The following DMD variants were observed in gnomAD, a reference collection of about 807,000 sequenced individuals.
DMD encodes dystrophin, also known as mutant dystrophin.
DMD carries 63 observed loss-of-function variants against 330.1 expected under a neutral mutation model. The ratio of observed to expected loss-of-function variants is 0.19; its 90% CI spans 0.16 to 0.24. The LOEUF is 0.24. Ranked by LOEUF, DMD falls within the 10% of genes least tolerant of loss-of-function variation. The pLI is 1.00. For missense variants in DMD, 3,344 were observed against 2,684.1 expected (o/e 1.25, Z -5.43); for synonymous variants, 1,223 against 959.8 (o/e 1.27, Z -5.07).
In DMD at chrX:32,323,960, A is replaced by AT. The variant is rs199664329; in HGVS notation, c.5923-13685dup. Among the ~76,000 whole-genome samples, 545 of 110,220 alleles carry AT rather than the reference A, an allele frequency of 4.9e-3. 4 individuals are homozygous for AT. The highest frequency in any genetic ancestry group is 0.017 in the African/African-American group (507 of 30,432). The stretch of plus-strand genomic sequence containing the variant: ...AAGCACGTATTGGTAAGAATATGTG[A>AT]TTTTTTTTTATAGATACCAGAGGCT... On this transcript the variant is annotated intron_variant, in intron 41 of 78. Transcript: ENST00000357033.
At chrX:31,205,532 G>A (rs889240160) in intron 66 of DMD, among the ~76,000 whole-genome samples, 2 of 111,595 alleles carry the variant, frequency 1.8e-5, no homozygotes, top group Non-Finnish European at 3.8e-5. Context: ...CCATATATAC[G>A]GTAGATTAGA....
chrX:32,457,556 T>A (rs143026633), intron 25 of DMD, among the ~76,000 whole-genome samples: 2,852 of 110,761 alleles, frequency 0.026, 35 homozygotes, highest in Non-Finnish European at 0.041. Context: ...TCCAGGTACG[T>A]AAGTGGAAAA....
At chrX:32,723,883 A>AG (rs2066590566) in intron 7 of DMD, among the ~76,000 whole-genome samples, 1 of 110,708 alleles carries the variant, frequency 9.0e-6, no homozygotes, top group Non-Finnish European at 1.9e-5. Context: ...ACTAAAAAAA[A>AG]AAACCTGCAA....
intron 1 of DMD, among the ~76,000 whole-genome samples, chrX:33,208,698 A>G (rs189743470): frequency 1.7e-4 from 19 of 111,183 alleles, no homozygotes; most frequent in South Asian, 3.7e-4. Flanking sequence ...ATGTGCATAT[A>G]TATAAATATA....
chrX:31,454,957 T>C (rs778725633), intron 59 of DMD, among the ~76,000 whole-genome samples: 345 of 100,721 alleles, frequency 3.4e-3, no homozygotes, highest in Non-Finnish European at 6.1e-3. Flanking sequence ...TTTTCTTTTT[T>C]TTTTTTTTTT....
At chrX:32,509,883 T>C (rs2045099248) in intron 18 of DMD, among the ~76,000 whole-genome samples, 1 of 110,399 alleles carries the variant, frequency 9.1e-6, no homozygotes, top group African/African-American at 3.3e-5. Flanking sequence ...TCCACTCCCC[T>C]CTCTCTCTCA....
At chrX:32,471,839 A>G in intron 22 of DMD, among the ~76,000 whole-genome samples, 1 of 112,055 alleles carries the variant, frequency 8.9e-6, no homozygotes, top group Non-Finnish European at 1.9e-5. Flanking sequence ...AGTTACAAAT[A>G]AAGAAGCAAA....
At chrX:31,797,981 G>A (rs969614251) in intron 50 of DMD, among the ~76,000 whole-genome samples, 13 of 111,884 alleles carry the variant, frequency 1.2e-4, no homozygotes, top group African/African-American at 3.9e-4. Flanking sequence ...GAATTTTTCC[G>A]CTACTGCAAT....
chrX:31,873,091 T>C (rs762987975), intron 48 of DMD, among the ~76,000 whole-genome samples: 38 of 111,529 alleles, frequency 3.4e-4, no homozygotes, highest in African/African-American at 1.2e-3. Flanking sequence ...TGCAGGCTGT[T>C]GTTACCCATC....
intron 1 of DMD, among the ~76,000 whole-genome samples, chrX:33,180,626 T>C (rs1215578633): frequency 1.8e-5 from 2 of 111,333 alleles, no homozygotes; most frequent in Non-Finnish European, 3.8e-5. Flanking sequence ...GTTCCAGGAG[T>C]GGGTGTCTGA....
intron 60 of DMD, among the ~76,000 whole-genome samples, chrX:31,411,035 G>A (rs2061623079): frequency 9.2e-6 from 1 of 108,476 alleles, no homozygotes; most frequent in African/African-American, 3.4e-5. Context: ...CAAAGTGTTG[G>A]GATTACAGGC....
At chrX:31,950,490 T>A (rs760022675) in intron 45 of DMD, among the ~76,000 whole-genome samples, 1 of 110,962 alleles carries the variant, frequency 9.0e-6, no homozygotes, top group South Asian at 3.7e-4. Flanking sequence ...CCTATAAATG[T>A]TAGTTAGGTC....
At chrX:32,097,271 C>G (rs1163904735) in intron 44 of DMD, among the ~76,000 whole-genome samples, 1 of 110,499 alleles carries the variant, frequency 9.0e-6, no homozygotes, top group Non-Finnish European at 1.9e-5. Context: ...TCGCGACAGG[C>G]CTCGGTGTGT....
chrX:32,532,519 G>C (rs186524083), intron 17 of DMD, among the ~76,000 whole-genome samples: 275 of 112,662 alleles, frequency 2.4e-3, no homozygotes, highest in African/African-American at 8.2e-3. Context: ...CCATGAGCAA[G>C]TCACTTGAAA....
At chrX:33,259,719 G>A (rs186674223) in intron 1 of DMD, among the ~76,000 whole-genome samples, 53 of 104,795 alleles carry the variant, frequency 5.1e-4, no homozygotes, top group African/African-American at 1.5e-3. Flanking sequence ...ACCTCCTGCC[G>A]CAACCCCTGG....
chrX:31,680,008 C>A (rs936900368), intron 52 of DMD, among the ~76,000 whole-genome samples: 1 of 112,347 alleles, frequency 8.9e-6, no homozygotes, highest in African/African-American at 3.2e-5. Flanking sequence ...ATGTGACAGG[C>A]TAGACATACC....
chrX:33,218,771 T>G (rs1230417662), intron 1 of DMD, among the ~76,000 whole-genome samples: 1 of 111,627 alleles, frequency 9.0e-6, no homozygotes, highest in East Asian at 2.8e-4. Context: ...ATAGGACAAC[T>G]GAGAATATTT....
At chrX:32,804,064 T>G (rs756045155) in intron 7 of DMD, among the ~76,000 whole-genome samples, 9 of 111,176 alleles carry the variant, frequency 8.1e-5, no homozygotes, top group Non-Finnish European at 1.1e-4. Context: ...TGTGTTCAAG[T>G]CTCCCACTAT....
chrX:33,048,559 G>A (rs2094414607), intron 1 of DMD, among the ~76,000 whole-genome samples: 1 of 108,401 alleles, frequency 9.2e-6, no homozygotes, highest in Admixed American at 1.0e-4. Context: ...TGGGCATGGT[G>A]GCATGCACCT....
Sources: allele counts gnomAD v4.1 joint callset (sites outside exome capture counted in the v4.1 genomes callset), GRCh38; gene constraint gnomAD v4.1.1; transcripts MANE v1.5; gene names NCBI Gene and HGNC (gene_info 2026-07-23, HGNC 2026-07-21).